Variants in ROBO2 observed in about 807,000 individuals in gnomAD.
The protein encoded by ROBO2 is roundabout guidance receptor 2, also known as roundabout homolog 2.
A neutral mutation model predicts 160.8 loss-of-function variants in ROBO2; 53 were observed. The observed-to-expected ratio is 0.33, with a 90% confidence interval of 0.26 to 0.41. ROBO2 has a LOEUF of 0.41. Among genes scored for constraint, ROBO2 ranks in the 10% least tolerant of loss-of-function variants. The probability of loss-of-function intolerance (pLI) is 1.00; values close to 1 mark genes in which losing one functional copy is unlikely to be tolerated. For synonymous variants in ROBO2, 664 were observed against 611.7 expected, an observed-to-expected ratio of 1.09 and a Z score of -1.26; for missense variants, 1,577 against 1,722.4, an observed-to-expected ratio of 0.92 and a Z score of 1.49.
At chr3:76,477,247 C>G (rs533818803) in intron 2 of ROBO2, among the ~76,000 whole-genome samples, 2 of 152,226 alleles carry the variant, frequency 1.3e-5, no homozygotes, top group Admixed American at 1.3e-4. Context: ...GGGTAGGATT[C>G]TTTCATATTC....
At chr3:76,606,706 T>A (rs931242228) in intron 2 of ROBO2, among the ~76,000 whole-genome samples, 1 of 152,096 alleles carries the variant, frequency 6.6e-6, no homozygotes, top group Non-Finnish European at 1.5e-5. Context: ...TTTATATATG[T>A]TTTTTAGTTT....
intron 2 of ROBO2, among the ~76,000 whole-genome samples, chr3:76,088,386 A>G (rs1215550775): frequency 6.6e-6 from 1 of 152,112 alleles, no homozygotes; most frequent in Non-Finnish European, 1.5e-5. Context: ...ATCGACGTAT[A>G]GACTACTTTA....
At chr3:77,361,999 C>T (rs577920953) in intron 2 of ROBO2, among the ~76,000 whole-genome samples, 12 of 152,022 alleles carry the variant, frequency 7.9e-5, no homozygotes, top group East Asian at 3.9e-4. Flanking sequence ...TATAACTTAA[C>T]GGAGAAGAAC....
At chr3:76,019,729 T>G (rs2066516141) in intron 2 of ROBO2, among the ~76,000 whole-genome samples, 1 of 150,988 alleles carries the variant, frequency 6.6e-6, no homozygotes, top group Admixed American at 6.6e-5. Context: ...TTCTCTGAAG[T>G]TCCATGTGTA....
chr3:76,400,965 G>C (rs2077779275), intron 2 of ROBO2, among the ~76,000 whole-genome samples: 1 of 151,500 alleles, frequency 6.6e-6, no homozygotes, highest in African/African-American at 2.4e-5. Context: ...GGCATATTAG[G>C]TATACACAAA....
intron 2 of ROBO2, among the ~76,000 whole-genome samples, chr3:77,444,157 G>A (rs1204687627): frequency 6.6e-6 from 1 of 151,920 alleles, no homozygotes; most frequent in Non-Finnish European, 1.5e-5. Context: ...GAATACTATG[G>A]AATAGCATTT....
At chr3:75,970,569 C>A (rs1205489433) in intron 2 of ROBO2, among the ~76,000 whole-genome samples, 48 of 151,494 alleles carry the variant, frequency 3.2e-4, no homozygotes, top group Admixed American at 3.2e-3. Flanking sequence ...TTCCAAAGGA[C>A]ATTCCTCCTA....
chr3:76,540,020 T>C (rs1017594314), intron 2 of ROBO2, among the ~76,000 whole-genome samples: 3 of 152,224 alleles, frequency 2.0e-5, no homozygotes, highest in African/African-American at 7.2e-5. Context: ...ATATTTCCAT[T>C]TTAAAGGACA....
At chr3:77,218,754 G>A (rs577216932) in intron 2 of ROBO2, among the ~76,000 whole-genome samples, 82 of 152,076 alleles carry the variant, frequency 5.4e-4, no homozygotes, top group Non-Finnish European at 9.3e-4. Context: ...TTCTGCAGTC[G>A]TAGTGACACA....
At chr3:77,066,606 G>A (rs931177921) in intron 1 of ROBO2, among the ~76,000 whole-genome samples, 1 of 152,118 alleles carries the variant, frequency 6.6e-6, no homozygotes, top group African/African-American at 2.4e-5. Flanking sequence ...TAACAGTAGG[G>A]AAATAAGTTA....
At chr3:77,638,994 T>C (rs570312958) in intron 24 of ROBO2, among the ~76,000 whole-genome samples, 8 of 151,720 alleles carry the variant, frequency 5.3e-5, no homozygotes, top group Non-Finnish European at 1.0e-4. Flanking sequence ...ACCCAGCAAA[T>C]TTTGTATTTT....
At chr3:77,028,000 A>G (rs2063081266) in intron 2 of ROBO2, among the ~76,000 whole-genome samples, 1 of 152,094 alleles carries the variant, frequency 6.6e-6, no homozygotes, top group Non-Finnish European at 1.5e-5. Flanking sequence ...TTTCAGTGAA[A>G]CCAAGCCTGT....
chr3:76,747,084 G>C (rs568061369), intron 2 of ROBO2, among the ~76,000 whole-genome samples: 2 of 152,110 alleles, frequency 1.3e-5, no homozygotes, highest in South Asian at 4.1e-4. Flanking sequence ...CCATGTCTTT[G>C]CTATTGTCAA....
intron 2 of ROBO2, among the ~76,000 whole-genome samples, chr3:75,953,886 C>T (rs1948637559): frequency 6.6e-6 from 1 of 151,826 alleles, no homozygotes; most frequent in Non-Finnish European, 1.5e-5. Flanking sequence ...CTACTTACTG[C>T]TATTAGACTA....
chr3:76,425,381 C>T (rs920234946), intron 2 of ROBO2, among the ~76,000 whole-genome samples: 2 of 151,966 alleles, frequency 1.3e-5, no homozygotes, highest in Admixed American at 6.6e-5. Flanking sequence ...CTAAATCTAG[C>T]AACTCTACCC....
intron 2 of ROBO2, among the ~76,000 whole-genome samples, chr3:77,303,594 A>G (rs1412299513): frequency 6.6e-6 from 1 of 152,152 alleles, no homozygotes; most frequent in African/African-American, 2.4e-5. Context: ...AGACAAGGCA[A>G]TTAAAATATA....
chr3:76,335,069 A>G (rs2073773882), intron 2 of ROBO2, among the ~76,000 whole-genome samples: 1 of 151,692 alleles, frequency 6.6e-6, no homozygotes, highest in African/African-American at 2.4e-5. Context: ...AGGGTCTTGA[A>G]ATGTTGCCCA....
In ROBO2 at chr3:76,023,552, CAT is replaced by C. The variant is rs2066639430; in HGVS notation, c.109+85951_109+85952del. Reference sequence around the variant, plus strand: ...TAGTTGCTAAAGAACTGAGAACACACATGATATTAATTAAGTTCACTATCTTA... The same window carrying C: ...TAGTTGCTAAAGAACTGAGAACACACGATATTAATTAAGTTCACTATCTTA... On this transcript the variant is annotated intron_variant, in intron 2 of 26. Transcript: ENST00000487694. Among the ~76,000 whole-genome samples the C allele has an allele frequency of 2.0e-5, 3 of 151,570 alleles. No homozygotes were observed. In the South Asian group the frequency reaches 6.2e-4, roughly 31 times the overall value.
At position 76,746,807 on chromosome 3, in the gene ROBO2, C is replaced by A. The variant is rs143416732; in HGVS notation, c.110-351207C>A. 2.0e-3 allele frequency among the ~76,000 whole-genome samples: 298 copies of A among 152,174 alleles called. 2 individuals are homozygous for A. The highest frequency in any genetic ancestry group is 6.8e-3 in the African/African-American group (281 of 41,530). On this transcript the variant is annotated intron_variant, in intron 2 of 26. Coordinates refer to the ROBO2 transcript ENST00000487694. ...TTTTTCCTAATGCTTTCGCTCCCAC[C>A]ACTCCATCCTCTGACAAGCCCCAGT...
Sources: gnomAD v4.1 joint callset for allele counts (sites outside exome capture counted in the v4.1 genomes callset) on GRCh38, gnomAD v4.1.1 for gene constraint, MANE v1.5 for transcripts, NCBI Gene and HGNC (gene_info 2026-07-23, HGNC 2026-07-21) for gene names.